Variants in LAMA2 observed in about 807,000 individuals in gnomAD.
LAMA2 encodes laminin subunit alpha 2.
A neutral mutation model predicts 364.8 loss-of-function variants in LAMA2; 269 were observed. The observed-to-expected ratio is 0.74, with a 90% CI of 0.67 to 0.82. The LOEUF is 0.82. Ranked by LOEUF, LAMA2 falls within the 40% of genes least tolerant of loss-of-function variation. The probability of loss-of-function intolerance (pLI) is 0.00; values close to 1 mark genes in which losing one functional copy is unlikely to be tolerated. For synonymous variants in LAMA2, 1,379 were observed against 1,370.6 expected (o/e 1.01, Z -0.14); for missense variants, 3,807 against 3,873.2 (o/e 0.98, Z 0.45).
intron 1 of LAMA2, among the ~76,000 whole-genome samples, chr6:128,956,369 A>T (rs975900894): frequency 2.6e-5 from 4 of 151,958 alleles, no homozygotes; most frequent in Non-Finnish European, 5.9e-5. Flanking sequence ...GAATTTTTTT[A>T]AAAAGTTCAA....
At chr6:129,275,150 T>G (rs1286422949) in intron 17 of LAMA2, among the ~76,000 whole-genome samples, 1 of 152,006 alleles carries the variant, frequency 6.6e-6, no homozygotes, top group Non-Finnish European at 1.5e-5. Flanking sequence ...GTTGTTAAAA[T>G]TAATATAGAG....
At chr6:128,952,131 T>G (rs1210943391) in intron 1 of LAMA2, among the ~76,000 whole-genome samples, 2 of 152,116 alleles carry the variant, frequency 1.3e-5, no homozygotes, top group Admixed American at 6.6e-5. Flanking sequence ...CTTGCCACTG[T>G]GCTCCAGCCT....
chr6:129,450,460 C>T (rs1782620541), intron 45 of LAMA2, among the ~76,000 whole-genome samples: 1 of 151,988 alleles, frequency 6.6e-6, no homozygotes, highest in Non-Finnish European at 1.5e-5. Context: ...GCTGGGACTA[C>T]AGGCACATGC....
At chr6:128,959,973 T>A (rs1007767468) in intron 1 of LAMA2, among the ~76,000 whole-genome samples, 5 of 152,066 alleles carry the variant, frequency 3.3e-5, no homozygotes, top group Non-Finnish European at 7.4e-5. Flanking sequence ...CCTAGAAAAG[T>A]GCCTGGCGCA....
chr6:129,078,872 A>G (rs1773836983), intron 3 of LAMA2, among the ~76,000 whole-genome samples: 1 of 152,206 alleles, frequency 6.6e-6, no homozygotes, highest in Non-Finnish European at 1.5e-5. Flanking sequence ...TGGGCACGTC[A>G]TATAAGTGGA....
At chr6:129,412,924 G>A (rs1410328555) in intron 40 of LAMA2, among the ~76,000 whole-genome samples, 3 of 152,160 alleles carry the variant, frequency 2.0e-5, no homozygotes, top group Non-Finnish European at 4.4e-5. Flanking sequence ...GAGGCACATA[G>A]GATATTTGAT....
chr6:128,954,768 A>G (rs142770241), intron 1 of LAMA2, among the ~76,000 whole-genome samples: 23 of 152,096 alleles, frequency 1.5e-4, no homozygotes, highest in African/African-American at 5.5e-4. Flanking sequence ...AGAGCTTTTA[A>G]AACAATCTTT....
At chr6:129,157,348 C>A (rs920378051) in intron 8 of LAMA2, among the ~76,000 whole-genome samples, 2 of 152,140 alleles carry the variant, frequency 1.3e-5, no homozygotes, top group Non-Finnish European at 2.9e-5. Context: ...TTTAGAAGTT[C>A]CCAGCTTGTA....
At position 129,507,552 on chromosome 6, in the gene LAMA2, G is replaced by A. The variant is rs1583929114; in HGVS notation, c.8767G>A (p.Glu2923Lys). The A allele has an allele frequency of 6.2e-7, 1 of 1,614,160 alleles. No individual in the cohort carries two copies. Among genetic ancestry groups the A allele is most frequent in the Non-Finnish European group, 8.5e-7 (1 of 1,180,002 alleles). The change falls in exon 62 of 65, where the codon GAA (glutamate) becomes AAA (lysine). Residue 2923 changes from glutamate (E) to lysine (K), a missense_variant. Glu to Lys is a moderately conservative substitution (Grantham distance 56, BLOSUM62 1). Transcript: ENST00000421865. ...LHMAEAPADL[E>K]QPTSSFHVGT... is the part of the protein sequence containing the mutation. The stretch of plus-strand genomic sequence containing the variant: ...CATGGCAGAGGCCCCTGCCGATCTG[G>A]AACAACCCACCTCCAGCTTCCATGT...
chr6:129,389,826 G>A (rs1199952653), intron 35 of LAMA2, among the ~76,000 whole-genome samples: 2 of 152,096 alleles, frequency 1.3e-5, no homozygotes, highest in South Asian at 2.1e-4. Context: ...AAGGGGGGAG[G>A]TTTGCTCCCA....
At chr6:128,900,307 G>GA (rs1237363517) in intron 1 of LAMA2, among the ~76,000 whole-genome samples, 1 of 152,146 alleles carries the variant, frequency 6.6e-6, no homozygotes, top group African/African-American at 2.4e-5. Flanking sequence ...TTATATGAGT[G>GA]AATTTGAGAG....
At chr6:129,279,540 C>T (rs1184830309) in intron 17 of LAMA2, among the ~76,000 whole-genome samples, 1 of 152,178 alleles carries the variant, frequency 6.6e-6, no homozygotes, top group African/African-American at 2.4e-5. Context: ...AGGATTCCAT[C>T]AGTGTGAGGG....
chr6:129,428,960 G>C (rs1036804771), intron 41 of LAMA2, among the ~76,000 whole-genome samples: 1 of 151,960 alleles, frequency 6.6e-6, no homozygotes, highest in Non-Finnish European at 1.5e-5. Flanking sequence ...ACCATTTTCT[G>C]TCTCATATCT....
intron 4 of LAMA2, among the ~76,000 whole-genome samples, chr6:129,099,114 G>GGT (rs1554217790): frequency 9.1e-6 from 1 of 109,384 alleles, no homozygotes; most frequent in Non-Finnish European, 1.9e-5. Flanking sequence ...GGGCGGGGAG[G>GGT]TTTTTTTTTT....
intron 1 of LAMA2, among the ~76,000 whole-genome samples, chr6:128,973,879 G>A (rs917283216): frequency 6.6e-6 from 1 of 152,166 alleles, no homozygotes; most frequent in Non-Finnish European, 1.5e-5. Flanking sequence ...AGTGGATGGA[G>A]TTCGTGCTTT....
At chr6:129,071,426 TG>T (rs1773305113) in intron 3 of LAMA2, among the ~76,000 whole-genome samples, 1 of 152,140 alleles carries the variant, frequency 6.6e-6, no homozygotes, top group Non-Finnish European at 1.5e-5. Flanking sequence ...TTATATGTCT[TG>T]TTTTTTACTT....
At chr6:129,011,705 T>A (rs927585583) in intron 1 of LAMA2, among the ~76,000 whole-genome samples, 2 of 152,212 alleles carry the variant, frequency 1.3e-5, no homozygotes, top group African/African-American at 2.4e-5. Context: ...TTTCTCTTAG[T>A]ACTGTTTACT....
At chr6:129,165,296 C>A (rs1779678712) in intron 8 of LAMA2, among the ~76,000 whole-genome samples, 2 of 149,254 alleles carry the variant, frequency 1.3e-5, no homozygotes, top group Admixed American at 1.3e-4. Context: ...ACTATGTATA[C>A]AAGATAAAAA....
At chr6:128,915,160 A>G (rs1225672029) in intron 1 of LAMA2, among the ~76,000 whole-genome samples, 4 of 152,128 alleles carry the variant, frequency 2.6e-5, no homozygotes, top group African/African-American at 9.7e-5. Flanking sequence ...TACCATGGCT[A>G]TGTACTCACT....
Sources: allele counts gnomAD v4.1 joint callset (sites outside exome capture counted in the v4.1 genomes callset), GRCh38; gene constraint gnomAD v4.1.1; transcripts MANE v1.5; gene names NCBI Gene and HGNC (gene_info 2026-07-23, HGNC 2026-07-21).